GLI3: variants seen among roughly 807,000 people sequenced by gnomAD.
GLI3 encodes the protein transcription activator GLI3.
Under a neutral mutation model 100.8 loss-of-function variants are expected in GLI3, and 20 were observed. That is an observed-to-expected ratio of 0.20 (90% CI 0.14 to 0.29). The LOEUF (loss-of-function observed/expected upper bound fraction) is 0.29, where lower values mean the gene tolerates loss of function less well. Ranked by LOEUF, GLI3 falls within the 10% of genes least tolerant of loss-of-function variation. GLI3 has a pLI of 1.00. For synonymous variants in GLI3, 938 were observed against 860.5 expected (o/e 1.09, Z -1.58); for missense variants, 2,040 against 2,128.5 (o/e 0.96, Z 0.82).
At chr7:42,168,811 G>A (rs1041050292) in intron 2 of GLI3, among the ~76,000 whole-genome samples, 2 of 152,054 alleles carry the variant, frequency 1.3e-5, no homozygotes, top group East Asian at 1.9e-4. Flanking sequence ...CCAGCTACTC[G>A]GGAGGCTAAG....
intron 2 of GLI3, among the ~76,000 whole-genome samples, chr7:42,198,537 A>G (rs1787975302): frequency 2.0e-5 from 3 of 152,184 alleles, no homozygotes; most frequent in Non-Finnish European, 2.9e-5. Flanking sequence ...CTGTACTCAC[A>G]GGCCAGGACA....
chr7:41,992,613 A>G (rs1460295947), intron 10 of GLI3, among the ~76,000 whole-genome samples: 1 of 152,192 alleles, frequency 6.6e-6, no homozygotes, highest in Non-Finnish European at 1.5e-5. Flanking sequence ...TGTACAGAGG[A>G]TGAAAAAGGA....
chr7:42,077,274 C>A (rs1248048818), intron 3 of GLI3, among the ~76,000 whole-genome samples: 1 of 151,986 alleles, frequency 6.6e-6, no homozygotes, highest in Non-Finnish European at 1.5e-5. Context: ...CACTGTAATA[C>A]AAATACCAGT....
At chr7:42,080,507 TCTC>T (rs1044547257) in intron 3 of GLI3, among the ~76,000 whole-genome samples, 1 of 152,172 alleles carries the variant, frequency 6.6e-6, no homozygotes, top group African/African-American at 2.4e-5. Context: ...TAAAATAACT[TCTC>T]CTGGATTGCA....
At chr7:42,088,361 A>G (rs1265081086) in intron 3 of GLI3, among the ~76,000 whole-genome samples, 1 of 151,938 alleles carries the variant, frequency 6.6e-6, no homozygotes, top group East Asian at 1.9e-4. Flanking sequence ...TCCAAGCTCC[A>G]CTCTCTGAAG....
intron 2 of GLI3, among the ~76,000 whole-genome samples, chr7:42,161,589 T>G (rs1347639119): frequency 6.6e-6 from 1 of 152,174 alleles, no homozygotes; most frequent in African/African-American, 2.4e-5. Flanking sequence ...TTAAAATAAC[T>G]ATGAGGCAGA....
intron 3 of GLI3, among the ~76,000 whole-genome samples, chr7:42,107,479 G>A (rs190461825): frequency 1.3e-5 from 2 of 152,314 alleles, no homozygotes; most frequent in South Asian, 2.1e-4. Flanking sequence ...GAAACAGGTC[G>A]CAGGACAACA....
intron 3 of GLI3, among the ~76,000 whole-genome samples, chr7:42,144,046 A>G (rs1033331183): frequency 6.6e-6 from 1 of 152,234 alleles, no homozygotes; most frequent in Non-Finnish European, 1.5e-5. Context: ...AGACAATGCA[A>G]CACATGTTTT....
intron 3 of GLI3, among the ~76,000 whole-genome samples, chr7:42,096,437 C>A (rs1054782746): frequency 1.3e-5 from 2 of 152,326 alleles, no homozygotes; most frequent in African/African-American, 4.8e-5. Flanking sequence ...CACCCCTAAA[C>A]AGCAGGCTCA....
At chr7:42,191,672 A>G (rs558796555) in intron 2 of GLI3, among the ~76,000 whole-genome samples, 1 of 148,704 alleles carries the variant, frequency 6.7e-6, no homozygotes, top group Admixed American at 6.7e-5. Context: ...ATATATATAT[A>G]TAATATTTTT....
At chr7:42,122,890 C>T (rs1786036402) in intron 3 of GLI3, among the ~76,000 whole-genome samples, 1 of 152,194 alleles carries the variant, frequency 6.6e-6, no homozygotes, top group African/African-American at 2.4e-5. Context: ...AATATTTTTA[C>T]TAGAACACGC....
rs186512451 is a variant in GLI3, at chr7:42,224,905, G to A, written c.-42-1610C>T. On this transcript the variant is annotated intron_variant, in intron 1 of 14. Transcript: ENST00000395925. ...TGAGATCTGACCTTTACTTTGGGCG[G>A]GAGGAAGTAACATCTTAAGAAGGTG... Among the ~76,000 whole-genome samples the A allele has an allele frequency of 6.4e-3, 975 of 152,286 alleles. 11 individuals are homozygous for A. Among genetic ancestry groups the A allele is most frequent in the African/African-American group, 0.022 (915 of 41,560 alleles).
chr7:42,182,664 A>ATATATATACATGTG (rs1554337050), intron 2 of GLI3, among the ~76,000 whole-genome samples: 2 of 78,328 alleles, frequency 2.6e-5, no homozygotes. Context: ...ATATATATAT[A>ATATATATACATGTG]TATATATATA....
intron 3 of GLI3, among the ~76,000 whole-genome samples, chr7:42,119,031 G>A (rs1483885646): frequency 2.0e-5 from 3 of 152,216 alleles, no homozygotes. Flanking sequence ...AGCCAGGGCT[G>A]TAGGAGGCAG....
chr7:41,964,951 C>A lies in GLI3; in HGVS notation c.4122G>T (p.Pro1374=). The change falls in exon 15 of 15, where the codon CCG becomes CCT. Residue 1374 remains proline (P), a synonymous_variant. Coordinates refer to ENST00000395925, the MANE Select transcript of GLI3 (RefSeq NM_000168.6). ...AGCCCCTGACAACTGCCAAGCTTGA[C>A]GGCTGGCTGCCCATGCCGTGAGCCC... ...LPGAHGMGSQ[P]SSLAVVRGYQ... is the part of the protein sequence containing the mutation. 1 of 1,613,752 alleles carries A rather than the reference C, an allele frequency of 6.2e-7. No individual in the cohort carries two copies. The highest frequency in any genetic ancestry group is 8.5e-7 in the Non-Finnish European group (1 of 1,180,040).
At chr7:41,977,825 G>T in intron 11 of GLI3, 103 bp from the exon 12 acceptor site, 1 of 1,070,682 alleles carries the variant, frequency 9.3e-7, no homozygotes, top group Non-Finnish European at 1.5e-6. Context: ...TCAAGGGTCA[G>T]CAGCTTTTCA....
intron 4 of GLI3, among the ~76,000 whole-genome samples, chr7:42,052,886 A>C (rs1390956221): frequency 6.6e-6 from 1 of 152,232 alleles, no homozygotes; most frequent in Non-Finnish European, 1.5e-5. Flanking sequence ...TACCATAGCC[A>C]AACAGCCTCC....
At chr7:42,189,114 A>G (rs1787776558) in intron 2 of GLI3, among the ~76,000 whole-genome samples, 1 of 152,130 alleles carries the variant, frequency 6.6e-6, no homozygotes, top group Non-Finnish European at 1.5e-5. Context: ...CATATAAGAA[A>G]TGTCTGTATC....
chr7:42,156,502 G>A (rs1583606885), intron 2 of GLI3, among the ~76,000 whole-genome samples: 1 of 152,182 alleles, frequency 6.6e-6, no homozygotes, highest in East Asian at 1.9e-4. Flanking sequence ...TCTTTGACAA[G>A]CAAAGAATGA....
Sources: gnomAD v4.1 joint callset for allele counts (sites outside exome capture counted in the v4.1 genomes callset) on GRCh38, gnomAD v4.1.1 for gene constraint, MANE v1.5 for transcripts, NCBI Gene and HGNC (gene_info 2026-07-23, HGNC 2026-07-21) for gene names.